CFAP54: variants seen among roughly 807,000 people sequenced by gnomAD.
CFAP54 encodes cilia and flagella associated protein 54.
In CFAP54, 290 loss-of-function variants were observed where a neutral mutation model predicts 370.4. The observed-to-expected ratio is 0.78, with a 90% CI of 0.71 to 0.86. CFAP54 has a LOEUF of 0.86. Ranked by LOEUF, CFAP54 falls within the 40% of genes least tolerant of loss-of-function variation. CFAP54 has a pLI of 0.00. For synonymous variants in CFAP54, 1,206 were observed against 1,236.5 expected (o/e 0.98, Z 0.52); for missense variants, 3,399 against 3,528.7 (o/e 0.96, Z 0.93).
intron 17 of CFAP54, among the ~76,000 whole-genome samples, chr12:96,559,804 C>G (rs77738284): frequency 3.3e-5 from 5 of 152,028 alleles, no homozygotes. Flanking sequence ...CATTATCACT[C>G]TGAAGAAAGG....
At chr12:96,698,403 A>G (rs1957457799) in intron 45 of CFAP54, among the ~76,000 whole-genome samples, 1 of 152,210 alleles carries the variant, frequency 6.6e-6, no homozygotes, top group Non-Finnish European at 1.5e-5. Flanking sequence ...ACTATTCACA[A>G]TAGCAAAGAC....
chr12:96,512,825 T>C (rs1202705361), intron 4 of CFAP54, among the ~76,000 whole-genome samples, 161 bp from the exon 5 acceptor site: 1 of 152,208 alleles, frequency 6.6e-6, no homozygotes, highest in African/African-American at 2.4e-5. Flanking sequence ...TGTTTACAAG[T>C]TACAAGAAAA....
At chr12:96,556,397 T>G (rs1592849624) in intron 17 of CFAP54, among the ~76,000 whole-genome samples, 1 of 134,638 alleles carries the variant, frequency 7.4e-6, no homozygotes, top group East Asian at 2.2e-4. Context: ...ATTTCTTTTC[T>G]TTTTTTTTCA....
At chr12:96,701,409 C>T (rs764457070) in intron 46 of CFAP54, among the ~76,000 whole-genome samples, 1 of 151,994 alleles carries the variant, frequency 6.6e-6, no homozygotes, top group Non-Finnish European at 1.5e-5. Flanking sequence ...CCATTCCAGG[C>T]ATGGAGATAG....
In CFAP54 at chr12:96,742,538, T is replaced by C. The variant is rs762423488; in HGVS notation, c.7171T>C (p.Leu2391=). ...TCTGTGGTTGAGGTGCCGCTTAGCATTGGTGACTGCATTTGTTGCACAGAT... is the reference window on the plus strand; with the variant it reads ...TCTGTGGTTGAGGTGCCGCTTAGCACTGGTGACTGCATTTGTTGCACAGAT... ...IHLWLRCRLA[L]VTAFVAQIHG... Residue 2391 remains leucine (L), a synonymous_variant, in exon 52 of 68, where the codon TTG becomes CTG. Coordinates refer to ENST00000524981, the MANE Select transcript of CFAP54 (RefSeq NM_001306084.2). The C allele has an allele frequency of 7.2e-5, 116 of 1,613,376 alleles. No individual in the cohort carries two copies. The highest frequency in any genetic ancestry group is 9.2e-5 in the Non-Finnish European group (108 of 1,179,780).
chr12:96,709,276 T>C (rs1957582842), intron 48 of CFAP54, among the ~76,000 whole-genome samples: 1 of 152,224 alleles, frequency 6.6e-6, no homozygotes, highest in Non-Finnish European at 1.5e-5. Context: ...AATGTGTACC[T>C]CCACTCGTGC....
Position 96,833,507 on chromosome 12 carries a change from CGTGTGTGTGT to C in CFAP54, c.9171+4447_9171+4456del, listed in dbSNP as rs34316003. 9.9e-3 allele frequency among the ~76,000 whole-genome samples: 1,430 copies of C among 144,152 alleles called. 54 individuals carry two copies. In the East Asian group the frequency reaches 0.1, roughly 10 times the overall value. The allele number at this position is 144,152 out of a possible 152,430, so 94.6% of individuals were successfully genotyped here. A position where few individuals can be genotyped will look rare whatever the true frequency, so the allele number is the denominator to read the frequency against. ...TTGCCTAATCAATTACACACGCGTA[CGTGTGTGTGT>C]GTGTGTGTGTGTGTGTGTGTGTGTG... On this transcript the variant is annotated intron_variant, in intron 66 of 67. Transcript: ENST00000524981.
At chr12:96,589,647 A>G (rs1809907520) in intron 23 of CFAP54, 84 bp downstream of exon 23, 4 of 873,950 alleles carry the variant, frequency 4.6e-6, no homozygotes, top group Non-Finnish European at 6.9e-6. Context: ...TATTTTTAAT[A>G]TCATGTTCAG....
chr12:96,599,662 A>G (rs1956218878), intron 26 of CFAP54, among the ~76,000 whole-genome samples: 1 of 152,188 alleles, frequency 6.6e-6, no homozygotes, highest in Non-Finnish European at 1.5e-5. Context: ...CACCTTCTCC[A>G]GGATCTGCTG....
chr12:96,573,205 C>T (rs1810911996), intron 19 of CFAP54, among the ~76,000 whole-genome samples: 1 of 152,160 alleles, frequency 6.6e-6, no homozygotes, highest in South Asian at 2.1e-4. Context: ...ATAATTTTTC[C>T]TTAGGCTGAT....
chr12:96,703,917 A>G (rs1322678129), intron 46 of CFAP54, among the ~76,000 whole-genome samples: 1 of 152,190 alleles, frequency 6.6e-6, no homozygotes, highest in Admixed American at 6.5e-5. Flanking sequence ...TATAAACAAA[A>G]TAGTCATCAG....
chr12:96,700,227 C>A, intron 46 of CFAP54, 134 bp downstream of exon 46: 1 of 955,482 alleles, frequency 1.0e-6, no homozygotes, highest in Non-Finnish European at 1.5e-6. Flanking sequence ...CTGGTTACAA[C>A]TAACATCAGG....
At chr12:96,858,126 C>T (rs1959764361) in intron 66 of CFAP54, among the ~76,000 whole-genome samples, 1 of 152,196 alleles carries the variant, frequency 6.6e-6, no homozygotes, top group Non-Finnish European at 1.5e-5. Context: ...CTCCCACCAA[C>T]AGTGTATAAT....
chr12:96,684,795 A>C (rs557664140), intron 41 of CFAP54, 60 bp downstream of exon 41: 5 of 1,377,710 alleles, frequency 3.6e-6, no homozygotes, highest in Non-Finnish European at 5.0e-6. Flanking sequence ...TGTTTGAAGA[A>C]GTTTTTAATG....
chr12:96,594,494 C>T, intron 25 of CFAP54, 48 bp downstream of exon 25: 1 of 1,334,454 alleles, frequency 7.5e-7, no homozygotes, highest in Non-Finnish European at 9.9e-7. Flanking sequence ...ATAAAGGCAA[C>T]TTAACAATTC....
intron 65 of CFAP54, among the ~76,000 whole-genome samples, chr12:96,818,266 A>G (rs746611124): frequency 2.0e-5 from 3 of 152,252 alleles, no homozygotes; most frequent in Non-Finnish European, 4.4e-5. Context: ...CCCAAATAAT[A>G]TGTGAAGAAA....
In CFAP54 at chr12:96,630,540, C is replaced by T. The variant is rs1175582160; in HGVS notation, c.4216-11C>T. On this transcript the variant is annotated splice_polypyrimidine_tract_variant and intron_variant, in intron 31 of 67. Coordinates refer to ENST00000524981, the MANE Select transcript of CFAP54 (RefSeq NM_001306084.2). Reference sequence around the variant, plus strand: ...AAATTTAACTTGTAACATTTTATCTCCTCTATTAAGAGTGCAGAAATGCAA... The same window carrying T: ...AAATTTAACTTGTAACATTTTATCTTCTCTATTAAGAGTGCAGAAATGCAA... The T allele has an allele frequency of 3.0e-6, 4 of 1,322,598 alleles. No individual in the cohort carries two copies. Among genetic ancestry groups the T allele is most frequent in the African/African-American group, 1.5e-5 (1 of 66,004 alleles). The allele number at this position is 1,322,598 out of a possible 1,614,324, so 81.9% of individuals were successfully genotyped here.
At chr12:96,822,567 C>T (rs1362176450) in intron 65 of CFAP54, among the ~76,000 whole-genome samples, 1 of 152,138 alleles carries the variant, frequency 6.6e-6, no homozygotes, top group East Asian at 1.9e-4. Flanking sequence ...AGGTCCCTGT[C>T]ACAGAGGAGC....
chr12:96,727,179 A>G (rs983509961), intron 50 of CFAP54, among the ~76,000 whole-genome samples: 196 of 152,038 alleles, frequency 1.3e-3, no homozygotes, highest in Non-Finnish European at 1.8e-3. Flanking sequence ...AGTTCTGTAG[A>G]TGTCTATTAG....
Sources: allele counts gnomAD v4.1 joint callset (sites outside exome capture counted in the v4.1 genomes callset), GRCh38; gene constraint gnomAD v4.1.1; transcripts MANE v1.5; gene names NCBI Gene and HGNC (gene_info 2026-07-23, HGNC 2026-07-21).